TYW1: variants seen among roughly 807,000 people sequenced by gnomAD.
TYW1 encodes tRNA-yW synthesizing protein 1 homolog, also known as S-adenosyl-L-methionine-dependent tRNA 4-demethylwyosine synthase TYW1.
Under a neutral mutation model 96.2 loss-of-function variants are expected in TYW1, and 46 were observed. That is an observed-to-expected ratio of 0.48 (90% confidence interval 0.38 to 0.61). The LOEUF (loss-of-function observed/expected upper bound fraction) is 0.61. Ranked by LOEUF, TYW1 falls within the 20% of genes least tolerant of loss-of-function variation. The probability of loss-of-function intolerance (pLI) is 0.00; values close to 1 mark genes in which losing one functional copy is unlikely to be tolerated. For synonymous variants in TYW1, 274 were observed against 323.0 expected, an observed-to-expected ratio of 0.85 and a Z score of 1.63; for missense variants, 684 against 909.6, an observed-to-expected ratio of 0.75 and a Z score of 3.19.
rs530355959 is a variant in TYW1, at chr7:67,104,831, A to G, written c.1562+6113A>G. On this transcript the variant is annotated intron_variant, in intron 12 of 15. Transcript: ENST00000359626. ...GAGACAAGAAAAAAGCCATTTCTTG[A>G]TAGGAAGGTACTGATATATTTTAAT... 2.0e-5 allele frequency among the ~76,000 whole-genome samples: 3 copies of G among 152,358 alleles called. No homozygotes were observed. The South Asian group carries it at 6.2e-4, about 32-fold the overall frequency.
intron 6 of TYW1, among the ~76,000 whole-genome samples, chr7:67,020,873 C>A (rs532149391): frequency 1.3e-5 from 2 of 152,356 alleles, no homozygotes; most frequent in South Asian, 4.1e-4. Context: ...ATTAAAAATA[C>A]AAAAATTAGC....
At position 67,111,826 on chromosome 7, in the gene TYW1, G is replaced by A. The variant is rs529541208; in HGVS notation, c.1563-5657G>A. On this transcript the variant is annotated intron_variant, in intron 12 of 15. Coordinates refer to ENST00000359626, the MANE Select transcript of TYW1 (RefSeq NM_018264.4). The stretch of plus-strand genomic sequence containing the variant: ...TAGAAAATCAAAGAAAGATCCCGGC[G>A]TGGTGGCTCACACCCATAATCCCAG... 2.2e-4 allele frequency among the ~76,000 whole-genome samples: 33 copies of A among 152,202 alleles called. No homozygotes were observed. In the South Asian group the frequency reaches 6.6e-3, roughly 31 times the overall value.
chr7:67,097,453 C>T (rs1275544592), intron 11 of TYW1, among the ~76,000 whole-genome samples: 3 of 152,320 alleles, frequency 2.0e-5, no homozygotes, highest in South Asian at 2.1e-4. Context: ...GGCTGGAGTG[C>T]GGTGGCACTG....
rs533984888 is a variant in TYW1, at chr7:67,151,268, T to TG, written c.1699-31857dup. Among the ~76,000 whole-genome samples, 6 of 152,242 alleles carry TG rather than the reference T, an allele frequency of 3.9e-5. No individual in the cohort carries two copies. In the East Asian group the frequency reaches 1.2e-3, roughly 29 times the overall value. On this transcript the variant is annotated intron_variant, in intron 13 of 15. Coordinates refer to ENST00000359626, the MANE Select transcript of TYW1 (RefSeq NM_018264.4). ...GGTTTCATGTTGGCCAGGCTGGTCT[T>TG]GAACTCCTGACCTCAGGTGATCCAC...
At chr7:67,128,981 G>A (rs562599664) in intron 13 of TYW1, among the ~76,000 whole-genome samples, 10 of 152,122 alleles carry the variant, frequency 6.6e-5, no homozygotes, top group African/African-American at 9.7e-5. Flanking sequence ...GAGCCACCGC[G>A]CCCAGTCTAG....
intron 11 of TYW1, chr7:67,089,289 C>T (rs935926633): frequency 2.9e-6 from 4 of 1,381,506 alleles, no homozygotes; most frequent in Non-Finnish European, 4.0e-6. Context: ...GGCTCCTTGT[C>T]CCCTCGGGAC....
chr7:67,057,552 G>C (rs1006752062), intron 9 of TYW1, among the ~76,000 whole-genome samples: 13 of 151,930 alleles, frequency 8.6e-5, no homozygotes, highest in African/African-American at 2.9e-4. Flanking sequence ...TGTATTTTTA[G>C]TTGAGACGGG....
At chr7:67,234,415 G>A (rs537627188) in intron 15 of TYW1, among the ~76,000 whole-genome samples, 29 of 150,704 alleles carry the variant, frequency 1.9e-4, no homozygotes, top group African/African-American at 6.8e-4. Context: ...CTCACTTTCC[G>A]TGTACATGTA....
chr7:67,145,472 A>C (rs1798582093), intron 13 of TYW1, among the ~76,000 whole-genome samples: 1 of 151,896 alleles, frequency 6.6e-6, no homozygotes, highest in Admixed American at 6.6e-5. Context: ...AAAACTGGAG[A>C]TTTTGAGTTG....
chr7:67,222,390 T>C (rs111346893), intron 15 of TYW1, among the ~76,000 whole-genome samples: 4,618 of 152,308 alleles, frequency 0.03, 123 homozygotes, highest in South Asian at 0.094. Context: ...ATCTAGTAGA[T>C]TGATGAACTC....
intron 8 of TYW1, among the ~76,000 whole-genome samples, chr7:67,054,369 A>G (rs62466632): frequency 0.04 from 6,116 of 152,316 alleles, 178 homozygotes; most frequent in Middle Eastern, 0.1. Flanking sequence ...GATGATTTCT[A>G]TGATAGTATG....
At chr7:67,050,092 A>T in intron 8 of TYW1, 26 bp downstream of exon 8, 3 of 1,611,710 alleles carry the variant, frequency 1.9e-6, no homozygotes, top group Non-Finnish European at 2.5e-6. Flanking sequence ...AATTGTTGTT[A>T]TATGACTGTA....
At chr7:67,174,610 A>T (rs2421418) in intron 13 of TYW1, among the ~76,000 whole-genome samples, 4,310 of 124,218 alleles carry the variant, frequency 0.035, 75 homozygotes, top group Admixed American at 0.074. Context: ...TTTTTTTTTT[A>T]AAAAAAAGAA....
At chr7:67,228,929 T>G (rs1259217842) in intron 15 of TYW1, among the ~76,000 whole-genome samples, 1 of 152,244 alleles carries the variant, frequency 6.6e-6, no homozygotes, top group Non-Finnish European at 1.5e-5. Context: ...GGAAGTCAGT[T>G]CTTCATCTGC....
rs1379842298 is a variant in TYW1 at position 67,199,674 on chromosome 7, T to G, written c.1977+4337T>G. Among the ~76,000 whole-genome samples, 7 of 152,336 alleles carry G rather than the reference T, an allele frequency of 4.6e-5. No individual in the cohort carries two copies. In the South Asian group the frequency reaches 1.4e-3, roughly 32 times the overall value. On this transcript the variant is annotated intron_variant, in intron 15 of 15. Transcript: ENST00000359626. ...CAGTACGGACTCAGGAATTCTACTCTTTGTCCCAGTGGGTCATTATTCATT... is the reference window on the plus strand; with the variant it reads ...CAGTACGGACTCAGGAATTCTACTCGTTGTCCCAGTGGGTCATTATTCATT...
At chr7:67,062,435 C>G (rs1044299863) in intron 9 of TYW1, among the ~76,000 whole-genome samples, 3 of 151,554 alleles carry the variant, frequency 2.0e-5, no homozygotes, top group African/African-American at 7.3e-5. Flanking sequence ...TTGTTGAAGT[C>G]ATTTCCATAA....
chr7:67,212,453 A>C (rs1218590790), intron 15 of TYW1, among the ~76,000 whole-genome samples: 1 of 152,174 alleles, frequency 6.6e-6, no homozygotes, highest in African/African-American at 2.4e-5. Flanking sequence ...CAAAGCTGCT[A>C]TAAACATTAA....
intron 10 of TYW1, among the ~76,000 whole-genome samples, chr7:67,069,167 G>T (rs1165550528): frequency 6.6e-6 from 1 of 151,674 alleles, no homozygotes; most frequent in Non-Finnish European, 1.5e-5. Flanking sequence ...GATTATTTGG[G>T]GGTTACAAAT....
At chr7:67,162,012 C>T (rs1799176293) in intron 13 of TYW1, among the ~76,000 whole-genome samples, 1 of 152,006 alleles carries the variant, frequency 6.6e-6, no homozygotes, top group South Asian at 2.1e-4. Context: ...TAAAAACATT[C>T]TGGACCGGGC....
Sources: gnomAD v4.1 joint callset for allele counts (sites outside exome capture counted in the v4.1 genomes callset) on GRCh38, gnomAD v4.1.1 for gene constraint, MANE v1.5 for transcripts, NCBI Gene and HGNC (gene_info 2026-07-23, HGNC 2026-07-21) for gene names.